The following ZNF117 variants were observed in gnomAD, a reference collection of about 807,000 sequenced individuals.
ZNF117 encodes the protein Krueppel-related zinc finger protein.
A neutral mutation model predicts 41.2 loss-of-function variants in ZNF117; 37 were observed. The observed-to-expected ratio is 0.90, with a 90% CI of 0.69 to 1.18. The LOEUF (loss-of-function observed/expected upper bound fraction) is 1.18, where lower values mean the gene tolerates loss of function less well. ZNF117 is among the 50% of genes most tolerant of loss of function. The pLI is 0.00. For missense variants in ZNF117, 546 were observed against 557.5 expected (o/e 0.98, Z 0.21); for synonymous variants, 186 against 186.6 (o/e 1.00, Z 0.02).
chr7:64,990,250 C>A (rs1584057063), exon 1 of ZNF117: 1 of 152,184 alleles, frequency 6.6e-6, no homozygotes, highest in African/African-American at 2.4e-5. Context: ...ACCATCTCAT[C>A]CAGTCAGAAT....
At position 64,978,592 on chromosome 7, in the gene ZNF117, G is replaced by T. The variant is rs746899502; in HGVS notation, c.979C>A (p.His327Asn). The stretch of plus-strand genomic sequence containing the variant: ...CATTTGTAGGGTTTCTCTCCAGTAT[G>T]AATTTTTTTATGGTCAGTAAGATTT... Residue 327 changes from histidine (H) to asparagine (N), a missense_variant, in exon 3 of 3, where the codon CAT (histidine) becomes AAT (asparagine). By Grantham distance (68) the His-to-Asn change is moderately conservative (BLOSUM62 1). Transcript: ENST00000620222. The T allele has an allele frequency of 1.2e-5, 19 of 1,612,600 alleles. No individual in the cohort carries two copies. The African/African-American group carries it at 1.9e-4, about 16-fold the overall frequency.
exon 1 of ZNF117, chr7:64,990,321 A>C (rs1024457020): frequency 6.4e-6 from 1 of 155,544 alleles, no homozygotes; most frequent in South Asian, 2.0e-4. Context: ...AGGAATGCTT[A>C]TATGTTGTGG....
At chr7:64,978,350 A>C (rs772668224) in exon 3 of ZNF117, 1 of 1,613,586 alleles carries the variant, frequency 6.2e-7, no homozygotes, top group Admixed American at 1.7e-5. Context: ...GAATTTTCTT[A>C]CATGTACTAA....
At chr7:64,988,671 G>A (rs944901902) in intron 1 of ZNF117, among the ~76,000 whole-genome samples, 1 of 152,050 alleles carries the variant, frequency 6.6e-6, no homozygotes, top group Admixed American at 6.5e-5. Flanking sequence ...CCCATTTTTT[G>A]CAGATGTAAT....
chr7:64,979,235 T>C (rs3807068), exon 3 of ZNF117: 3 of 1,607,214 alleles, frequency 1.9e-6, no homozygotes, highest in Non-Finnish European at 1.7e-6. Flanking sequence ...TGCGACATTC[T>C]TTACATTTAA....
upstream of ZNF117, among the ~76,000 whole-genome samples, chr7:64,986,575 T>C (rs541532757): frequency 6.6e-6 from 1 of 152,322 alleles, no homozygotes; most frequent in Admixed American, 6.5e-5. Context: ...TTCCATGGTA[T>C]AATTTTAACA....
At chr7:64,984,878 C>T (rs902210589), upstream of ZNF117, among the ~76,000 whole-genome samples, 1 of 152,192 alleles carries the variant, frequency 6.6e-6, no homozygotes, top group Non-Finnish European at 1.5e-5. Context: ...GCAACCTCTG[C>T]CTCCCAGGTT....
rs140444652 is a variant in ZNF117 at position 64,987,813 on chromosome 7, G to A, written c.-196+2134C>T. Among the ~76,000 whole-genome samples the A allele has an allele frequency of 2.7e-4, 36 of 133,136 alleles. No individual in the cohort carries two copies. The East Asian group carries it at 5.5e-3, about 20-fold the overall frequency. 87.3% of individuals were successfully genotyped at this position (133,136 alleles called of 152,430 possible). On this transcript the variant is annotated intron_variant, in intron 1 of 3. Coordinates refer to the ZNF117 transcript ENST00000282869. ...TGCCTGGGCAATATAGTGAGACCCCGTTCTCCACAAAAAGGAAAAAAAAAA... is the reference window on the plus strand; with the variant it reads ...TGCCTGGGCAATATAGTGAGACCCCATTCTCCACAAAAAGGAAAAAAAAAA...
chr7:64,978,408 G>C, exon 3 of ZNF117: 1 of 1,612,040 alleles, frequency 6.2e-7, no homozygotes, highest in South Asian at 1.1e-5. Context: ...ACATTTGTGG[G>C]GATTCTCTCC....
At chr7:64,989,443 TTATATATATA>T (rs58009024) in intron 1 of ZNF117, among the ~76,000 whole-genome samples, 1,346 of 49,250 alleles carry the variant, frequency 0.027, 55 homozygotes, top group Admixed American at 0.04. Context: ...GAACTTAAAA[TTATATATATA>T]TATATATATA....
At chr7:64,979,017 C>A (rs368230173) in exon 3 of ZNF117, 2 of 1,613,004 alleles carry the variant, frequency 1.2e-6, no homozygotes, top group African/African-American at 1.3e-5. Flanking sequence ...AGTATGAATT[C>A]TCTTATGTCT....
exon 1 of ZNF117, chr7:64,990,568 G>A (rs932469573): frequency 4.6e-5 from 7 of 152,506 alleles, no homozygotes; most frequent in African/African-American, 1.7e-4. Flanking sequence ...TTTACAACAG[G>A]ATTTGCAACA....
chr7:64,988,600 G>A (rs1786184943), intron 1 of ZNF117, among the ~76,000 whole-genome samples: 1 of 152,106 alleles, frequency 6.6e-6, no homozygotes, highest in African/African-American at 2.4e-5. Context: ...GCCCTCACCA[G>A]AGCAATCAGA....
exon 2 of ZNF117, chr7:64,981,404 A>G: frequency 6.2e-7 from 1 of 1,612,936 alleles, no homozygotes; most frequent in Non-Finnish European, 8.5e-7. Context: ...TTTAGCTACC[A>G]TCTCATGTCT....
chr7:64,981,424 C>T (rs997449440), exon 2 of ZNF117: 4 of 1,612,892 alleles, frequency 2.5e-6, no homozygotes, highest in Non-Finnish European at 2.5e-6. Context: ...TCTTCATATT[C>T]CAGGGCTCTT....
At chr7:64,973,338 G>A (rs1785812172), downstream of ZNF117, 1 of 151,894 alleles carries the variant, frequency 6.6e-6, no homozygotes, top group South Asian at 2.1e-4. Context: ...CTTACCATTT[G>A]CTCTCTTATA....
exon 3 of ZNF117, chr7:64,975,455 T>C (rs1785864677): frequency 6.6e-6 from 1 of 152,042 alleles, no homozygotes; most frequent in Non-Finnish European, 1.5e-5. Context: ...CTTAGATTTT[T>C]ATCATGCATC....
intron 1 of ZNF117, among the ~76,000 whole-genome samples, chr7:64,988,868 C>T (rs952064224): frequency 6.6e-6 from 1 of 152,022 alleles, no homozygotes; most frequent in Non-Finnish European, 1.5e-5. Context: ...AATAAAACAT[C>T]TAGAGATACA....
chr7:64,981,479 A>T lies in ZNF117; in HGVS notation c.-59T>A. On this transcript the variant is annotated 5_prime_UTR_variant, in exon 2 of 3. It adds an upstream start codon to the 5' untranslated region. Transcript: ENST00000620222. ...AATCAGGTCTGGCTTAGAGACAGCA[A>T]TACCTGTTTTATTGAAAATAAATAA... 6.3e-7 allele frequency: 1 copy of T among 1,582,642 alleles called. No homozygotes were observed. The highest frequency in any genetic ancestry group is 8.7e-7 in the Non-Finnish European group (1 of 1,152,564).
Sources: gnomAD v4.1 joint callset for allele counts (sites outside exome capture counted in the v4.1 genomes callset) on GRCh38, gnomAD v4.1.1 for gene constraint, MANE v1.5 for transcripts, NCBI Gene and HGNC (gene_info 2026-07-23, HGNC 2026-07-21) for gene names.